ABCB7: variants seen among roughly 807,000 people sequenced by gnomAD.
The protein encoded by ABCB7 is iron-sulfur clusters transporter ABCB7, mitochondrial.
Under a neutral mutation model 54.4 loss-of-function variants are expected in ABCB7, and 7 were observed. The ratio of observed to expected loss-of-function variants is 0.13; its 90% CI spans 0.07 to 0.24. The LOEUF is 0.24. Ranked by LOEUF, ABCB7 falls within the 10% of genes least tolerant of loss-of-function variation. ABCB7 has a pLI of 1.00. For missense variants in ABCB7, 356 were observed against 570.4 expected (o/e 0.62, Z 3.83); for synonymous variants, 218 against 207.1 (o/e 1.05, Z -0.45).
chrX:75,083,614 CA>C (rs34107866), intron 4 of ABCB7, among the ~76,000 whole-genome samples: 14,690 of 106,170 alleles, frequency 0.14, 2,570 homozygotes, highest in African/African-American at 0.48. Context: ...TATGCAGAGG[CA>C]AAAAAAACTG....
intron 12 of ABCB7, among the ~76,000 whole-genome samples, chrX:75,066,285 C>A (rs1327192110): frequency 9.0e-6 from 1 of 111,103 alleles, no homozygotes; most frequent in Admixed American, 9.6e-5. Flanking sequence ...TCTTTAACAT[C>A]ATAATCAGAC....
At position 75,074,716 on chromosome X, in the gene ABCB7, A is replaced by C. The variant is rs2081392271; in HGVS notation, c.855+646T>G. 2.7e-5 allele frequency among the ~76,000 whole-genome samples: 3 copies of C among 111,862 alleles called. No homozygotes were observed. The South Asian group carries it at 1.1e-3, about 42-fold the overall frequency. ...AACATGGATGCATCTGGAGACCATT[A>C]TCTTAAGTGAATTAACTCAGGAACA... is the stretch of plus-strand genomic sequence containing the variant. On this transcript the variant is annotated intron_variant, in intron 6 of 15. Transcript: ENST00000373394.
intron 13 of ABCB7, among the ~76,000 whole-genome samples, chrX:75,063,368 T>C (rs2081294977): frequency 1.8e-5 from 2 of 111,131 alleles, no homozygotes; most frequent in Non-Finnish European, 3.8e-5. Context: ...ATTACCAATA[T>C]CTGAAAAACA....
intron 3 of ABCB7, among the ~76,000 whole-genome samples, chrX:75,112,581 C>T (rs945463313): frequency 2.7e-5 from 3 of 111,335 alleles, no homozygotes; most frequent in Non-Finnish European, 5.7e-5. Flanking sequence ...TTTTTAGGTG[C>T]TAAATCTAAT....
At chrX:75,061,606 C>A (rs181370036) in intron 14 of ABCB7, among the ~76,000 whole-genome samples, 120 of 111,827 alleles carry the variant, frequency 1.1e-3, no homozygotes, top group African/African-American at 3.7e-3. Context: ...TATCCTTCAA[C>A]ACTAGCTTTA....
At chrX:75,086,746 G>A (rs1255138739) in intron 4 of ABCB7, among the ~76,000 whole-genome samples, 1 of 111,709 alleles carries the variant, frequency 9.0e-6, no homozygotes, top group Admixed American at 9.5e-5. Context: ...GTAGGAGATT[G>A]GCATGAATTA....
In ABCB7 at chrX:75,071,494, CCA is replaced by C; in HGVS notation, c.1207+13_1207+14del. 4 of 1,209,585 alleles carry C rather than the reference CCA, an allele frequency of 3.3e-6. No homozygotes were observed. Among genetic ancestry groups the C allele is most frequent in the Non-Finnish European group, 4.5e-6 (4 of 893,837 alleles). ...GTTGAACAGCCTGTAAATGTGATAG[CCA>C]CAGACTCATTACCTGCCACAATTCC... On this transcript the variant is annotated intron_variant, in intron 9 of 15. Transcript: ENST00000373394.
At chrX:75,107,296 G>A (rs1182144673) in intron 3 of ABCB7, among the ~76,000 whole-genome samples, 3 of 111,245 alleles carry the variant, frequency 2.7e-5, no homozygotes, top group Admixed American at 9.5e-5. Context: ...GCAACTAACC[G>A]GTGAGCCCTA....
At position 75,125,868 on chromosome X, in the gene ABCB7, C is replaced by CA. The variant is rs749037683; in HGVS notation, c.169-11038dup. On this transcript the variant is annotated intron_variant, in intron 1 of 15. Transcript: ENST00000373394. ...CAATCCCCCCCCAAAAAGATACACACACAAAAAATGCCTTAATTTTGCTCC... is the reference window on the plus strand; with the variant it reads ...CAATCCCCCCCCAAAAAGATACACACAACAAAAAATGCCTTAATTTTGCTCC... Among the ~76,000 whole-genome samples the CA allele has an allele frequency of 1.3e-3, 147 of 109,890 alleles. 1 individual carries two copies. Among genetic ancestry groups the CA allele is most frequent in the Admixed American group, 6.2e-3 (64 of 10,262 alleles).
chrX:75,063,278 T>C lies in ABCB7; in HGVS notation c.1832-847A>G, dbSNP rs1338819466. Among the ~76,000 whole-genome samples, 3 of 111,361 alleles carry C rather than the reference T, an allele frequency of 2.7e-5. No homozygotes were observed. In the Admixed American group the frequency reaches 2.9e-4, roughly 11 times the overall value. On this transcript the variant is annotated intron_variant, in intron 13 of 15. Coordinates refer to ENST00000373394, the MANE Select transcript of ABCB7 (RefSeq NM_001271696.3). ...TGTAGGTCTAAGGTCATCAATCTTA[T>C]ATAGAACTATAGTTGGAAGTACAGA...
chrX:75,061,153 C>T lies in ABCB7; in HGVS notation c.1936-823G>A, dbSNP rs2081279781. On this transcript the variant is annotated intron_variant, in intron 14 of 15. Transcript: ENST00000373394. Reference sequence around the variant, plus strand: ...GGTACAAGGCCAATACTAAGAAAGCCTGTTATGTTTGTGAGGACTCCTTTT... The same window carrying T: ...GGTACAAGGCCAATACTAAGAAAGCTTGTTATGTTTGTGAGGACTCCTTTT... Among the ~76,000 whole-genome samples the T allele has an allele frequency of 5.4e-5, 6 of 111,909 alleles. No individual in the cohort carries two copies. The Admixed American group carries it at 5.7e-4, about 11-fold the overall frequency.
rs753770195 is a variant in ABCB7, at chrX:75,156,138, T to G, written c.135A>C (p.Gln45His). Residue 45 changes from glutamine to histidine, a missense_variant, in exon 1 of 16, where the codon CAA (glutamine) becomes CAC (histidine). Gln to His is a conservative substitution (Grantham distance 24, BLOSUM62 0). Transcript: ENST00000373394. ...SGSGPQWRPHQLGALGTARAY... is the reference protein window; with the variant it reads ...SGSGPQWRPHHLGALGTARAY... ...CTCGAGCGGTTCCCAAGGCGCCGAG[T>G]TGATGTGGCCTCCACTGCGGACCTG... 2 of 1,207,482 alleles carry G rather than the reference T, an allele frequency of 1.7e-6. No homozygotes were observed. The highest frequency in any genetic ancestry group is 2.2e-5 in the Admixed American group (1 of 45,606).
Position 75,051,822 on chromosome X carries a change from G to A in ABCB7, c.*1548C>T, listed in dbSNP as rs1447921984. 1 of 112,310 alleles carries A rather than the reference G, an allele frequency of 8.9e-6. No individual in the cohort carries two copies. Among genetic ancestry groups the A allele is most frequent in the South Asian group, 3.7e-4 (1 of 2,727 alleles). 9.3% of individuals were successfully genotyped at this position (112,310 alleles called of 1,213,427 possible). On this transcript the variant is annotated 3_prime_UTR_variant, in exon 16 of 16. Transcript: ENST00000373394. ...TTTAAATGGACACTGATTTATACAC[G>A]TGTGAGCATGTGCATACATGCACGA...
chrX:75,085,993 C>T (rs895523284), intron 4 of ABCB7, among the ~76,000 whole-genome samples: 3 of 108,961 alleles, frequency 2.8e-5, no homozygotes, highest in Admixed American at 9.9e-5. Flanking sequence ...ACTACAGGCA[C>T]GAACCACCAC....
intron 3 of ABCB7, among the ~76,000 whole-genome samples, chrX:75,108,177 A>G (rs1379358907): frequency 1.8e-5 from 2 of 111,247 alleles, no homozygotes; most frequent in Non-Finnish European, 3.8e-5. Context: ...GCTCAGCCTC[A>G]GTATAACAGA....
chrX:75,058,800 TAAC>T (rs2081261108), intron 15 of ABCB7, among the ~76,000 whole-genome samples: 2 of 111,682 alleles, frequency 1.8e-5, no homozygotes, highest in Admixed American at 9.5e-5. Flanking sequence ...TAACGTATTT[TAAC>T]AACTTCTATT....
At chrX:75,143,309 T>A (rs2082068115) in intron 1 of ABCB7, among the ~76,000 whole-genome samples, 1 of 111,777 alleles carries the variant, frequency 8.9e-6, no homozygotes, top group Admixed American at 9.5e-5. Context: ...CCAAGAGTCA[T>A]CTCTGCTCCA....
intron 1 of ABCB7, among the ~76,000 whole-genome samples, chrX:75,142,499 A>G (rs1256002797): frequency 8.9e-6 from 1 of 111,766 alleles, no homozygotes. Flanking sequence ...TGCAGACAAG[A>G]TCCACTGATG....
chrX:75,098,029 C>A (rs1401598025), intron 4 of ABCB7, among the ~76,000 whole-genome samples: 1 of 111,557 alleles, frequency 9.0e-6, no homozygotes, highest in African/African-American at 3.3e-5. Context: ...AAATTGGGGG[C>A]TGGGTGCGGT....
Sources: allele counts gnomAD v4.1 joint callset (sites outside exome capture counted in the v4.1 genomes callset), GRCh38; gene constraint gnomAD v4.1.1; transcripts MANE v1.5; gene names NCBI Gene and HGNC (gene_info 2026-07-23, HGNC 2026-07-21).